ERBB4: variants seen among roughly 807,000 people sequenced by gnomAD.
ERBB4 encodes receptor tyrosine-protein kinase erbB-4.
A neutral mutation model predicts 158.0 loss-of-function variants in ERBB4; 42 were observed. That is an observed-to-expected ratio of 0.27 (90% CI 0.21 to 0.34). ERBB4 has a LOEUF of 0.34. ERBB4 is among the 10% of genes least tolerant of loss of function. The pLI is 1.00. For synonymous variants in ERBB4, 583 were observed against 558.7 expected (o/e 1.04, Z -0.61); for missense variants, 1,333 against 1,624.1 (o/e 0.82, Z 3.08).
At chr2:211,931,091 CACCACT>C (rs1453428414) in intron 3 of ERBB4, among the ~76,000 whole-genome samples, 1 of 152,050 alleles carries the variant, frequency 6.6e-6, no homozygotes, top group Non-Finnish European at 1.5e-5. Context: ...AAAGGCTTGG[CACCACT>C]GTTAAGCCTT....
chr2:211,995,698 A>G (rs1236833788), intron 2 of ERBB4, among the ~76,000 whole-genome samples: 1 of 152,110 alleles, frequency 6.6e-6, no homozygotes, highest in African/African-American at 2.4e-5. Context: ...TCTCAGGTAC[A>G]ACATCTAATG....
chr2:212,395,696 T>G (rs1437347823), intron 1 of ERBB4, among the ~76,000 whole-genome samples: 1 of 143,860 alleles, frequency 7.0e-6, no homozygotes, highest in Non-Finnish European at 1.5e-5. Context: ...CTCACCTCAC[T>G]GCAACCTCTG....
At chr2:212,377,051 T>C (rs895209791) in intron 1 of ERBB4, among the ~76,000 whole-genome samples, 4 of 152,000 alleles carry the variant, frequency 2.6e-5, no homozygotes, top group East Asian at 1.9e-4. Context: ...GCTTAACTTA[T>C]TGTACATGGA....
intron 25 of ERBB4, among the ~76,000 whole-genome samples, chr2:211,413,309 AACACACACACACACACACAC>A (rs36108369): frequency 1.1e-5 from 1 of 94,558 alleles, no homozygotes; most frequent in South Asian, 2.9e-4. Flanking sequence ...CTGTCTTAAA[AACACACACACACACACACAC>A]ACACACACAC....
At chr2:212,023,193 C>T (rs184919890) in intron 2 of ERBB4, among the ~76,000 whole-genome samples, 87 of 152,124 alleles carry the variant, frequency 5.7e-4, no homozygotes, top group African/African-American at 2.0e-3. Context: ...AGCTTTTATG[C>T]TTATCTGATG....
intron 1 of ERBB4, among the ~76,000 whole-genome samples, chr2:212,383,933 C>T (rs916577434): frequency 2.0e-5 from 3 of 151,470 alleles, no homozygotes; most frequent in Non-Finnish European, 3.0e-5. Flanking sequence ...GTGCATTACC[C>T]ATTGTCATTG....
intron 20 of ERBB4, among the ~76,000 whole-genome samples, chr2:211,538,301 C>A (rs1223067296): frequency 6.6e-6 from 1 of 151,758 alleles, no homozygotes; most frequent in Non-Finnish European, 1.5e-5. Flanking sequence ...TATGAAGCAT[C>A]CCATTCTATG....
intron 9 of ERBB4, among the ~76,000 whole-genome samples, chr2:211,706,315 T>A: frequency 6.6e-6 from 1 of 152,138 alleles, no homozygotes; most frequent in Non-Finnish European, 1.5e-5. Flanking sequence ...CTGAGAACAT[T>A]CCTTTTTGGT....
At chr2:212,018,532 C>T (rs1284430949) in intron 2 of ERBB4, among the ~76,000 whole-genome samples, 1 of 152,114 alleles carries the variant, frequency 6.6e-6, no homozygotes, top group Non-Finnish European at 1.5e-5. Context: ...ACATTAATGT[C>T]TAGTTCATTG....
intron 1 of ERBB4, among the ~76,000 whole-genome samples, chr2:212,381,631 C>T (rs1264492154): frequency 1.3e-5 from 2 of 151,164 alleles, no homozygotes; most frequent in Non-Finnish European, 3.0e-5. Flanking sequence ...TCTCCAATTG[C>T]CTTATTAGAT....
chr2:212,353,798 C>T (rs2089356182), intron 1 of ERBB4, among the ~76,000 whole-genome samples: 3 of 59,042 alleles, frequency 5.1e-5, no homozygotes, highest in Admixed American at 2.1e-4. Context: ...AATAAATGTC[C>T]CCTGTTACAC....
chr2:212,191,975 T>TATATATGTTATATATA (rs1559706394), intron 1 of ERBB4, among the ~76,000 whole-genome samples: 51 of 102,720 alleles, frequency 5.0e-4, no homozygotes, highest in South Asian at 1.6e-3. Flanking sequence ...TGTTATATGT[T>TATATATGTTATATATA]ATATATGTTA....
At chr2:211,640,059 G>C (rs1456226970) in intron 16 of ERBB4, among the ~76,000 whole-genome samples, 1 of 151,874 alleles carries the variant, frequency 6.6e-6, no homozygotes, top group Non-Finnish European at 1.5e-5. Flanking sequence ...TGGTTTGTTT[G>C]TTTGTTTCCT....
intron 2 of ERBB4, among the ~76,000 whole-genome samples, chr2:212,054,178 T>A (rs2077483051): frequency 6.6e-6 from 1 of 152,064 alleles, no homozygotes; most frequent in Admixed American, 6.6e-5. Flanking sequence ...TGTAGGGAGT[T>A]TATTATATGA....
At chr2:211,890,170 C>A (rs2106181951) in intron 3 of ERBB4, among the ~76,000 whole-genome samples, 1 of 79,914 alleles carries the variant, frequency 1.3e-5, no homozygotes, top group South Asian at 5.0e-4. Context: ...GTCGGGTTAC[C>A]CTCAAAGGGA....
rs530876234 is a variant in ERBB4 at position 212,153,592 on chromosome 2, T to C, written c.83-28689A>G. On this transcript the variant is annotated intron_variant, in intron 1 of 27. Coordinates refer to ENST00000342788, the MANE Select transcript of ERBB4 (RefSeq NM_005235.3). ...CAACACCGCATATTGTTGTTTTATT[T>C]CTCTTAAATTCAACCATAGGTTATT... 2.0e-5 allele frequency among the ~76,000 whole-genome samples: 3 copies of C among 152,310 alleles called. No homozygotes were observed. In the South Asian group the frequency reaches 6.2e-4, roughly 32 times the overall value.
At chr2:212,477,204 A>T (rs1364273536) in intron 1 of ERBB4, among the ~76,000 whole-genome samples, 1 of 152,178 alleles carries the variant, frequency 6.6e-6, no homozygotes, top group Non-Finnish European at 1.5e-5. Flanking sequence ...ACAAAGTAGT[A>T]CAAAGGTCTA....
chr2:212,059,533 T>C (rs909967080), intron 2 of ERBB4, among the ~76,000 whole-genome samples: 2 of 152,124 alleles, frequency 1.3e-5, no homozygotes, highest in African/African-American at 4.8e-5. Flanking sequence ...TGCTACCTGA[T>C]GTCAAACTAT....
intron 20 of ERBB4, among the ~76,000 whole-genome samples, chr2:211,448,587 G>A (rs1275700482): frequency 1.3e-5 from 2 of 152,040 alleles, no homozygotes; most frequent in African/African-American, 2.4e-5. Flanking sequence ...AATTCTGAAT[G>A]GAGGAATTAG....
Sources: gnomAD v4.1 joint callset for allele counts (sites outside exome capture counted in the v4.1 genomes callset) on GRCh38, gnomAD v4.1.1 for gene constraint, MANE v1.5 for transcripts, NCBI Gene and HGNC (gene_info 2026-07-23, HGNC 2026-07-21) for gene names.